The following CDKL4 variants were observed in gnomAD, a reference collection of about 807,000 sequenced individuals.
CDKL4 encodes cyclin-dependent kinase-like 4.
A neutral mutation model predicts 42.0 loss-of-function variants in CDKL4; 44 were observed. The ratio of observed to expected loss-of-function variants is 1.05; its 90% CI spans 0.82 to 1.35. CDKL4 has a LOEUF of 1.35. Among genes scored for constraint, CDKL4 ranks in the 40% most tolerant of loss-of-function variants. CDKL4 has a pLI of 0.00. For missense variants in CDKL4, 393 were observed against 369.9 expected (o/e 1.06, Z -0.51); for synonymous variants, 120 against 121.6 (o/e 0.99, Z 0.09).
At chr2:39,240,845 CA>C (rs923441292) in intron 1 of CDKL4, among the ~76,000 whole-genome samples, 1 of 152,070 alleles carries the variant, frequency 6.6e-6, no homozygotes, top group African/African-American at 2.4e-5. Flanking sequence ...GTATTCTTGG[CA>C]AAAATGCAAA....
At chr2:39,177,049 G>A (rs999378444) in intron 9 of CDKL4, among the ~76,000 whole-genome samples, 2 of 152,114 alleles carry the variant, frequency 1.3e-5, no homozygotes, top group Non-Finnish European at 2.9e-5. Flanking sequence ...ATAGAATGCA[G>A]TTTACAGAGG....
chr2:39,197,595 A>T (rs763454438), intron 5 of CDKL4, among the ~76,000 whole-genome samples: 2 of 152,226 alleles, frequency 1.3e-5, no homozygotes, highest in Non-Finnish European at 2.9e-5. Context: ...AGGCAAAAGC[A>T]TCAGGTACTA....
chr2:39,228,562 G>A (rs543587901), intron 2 of CDKL4, among the ~76,000 whole-genome samples: 129 of 152,270 alleles, frequency 8.5e-4, no homozygotes, highest in African/African-American at 3.1e-3. Flanking sequence ...CACATAATGT[G>A]TAGCCCACAA....
At position 39,198,096 on chromosome 2, in the gene CDKL4, C is replaced by T. The variant is rs118045183; in HGVS notation, c.454+6431G>A. Among the ~76,000 whole-genome samples the T allele has an allele frequency of 1.5e-3, 226 of 152,054 alleles. 3 individuals carry two copies. In the East Asian group the frequency reaches 0.025, roughly 17 times the overall value. On this transcript the variant is annotated intron_variant, in intron 5 of 9. Coordinates refer to ENST00000451199, the Ensembl canonical transcript of CDKL4. ...GTATCTGCTGTCTTTATGAGACCCA[C>T]CTGACACATAAGGACTCACATAAGC...
At chr2:39,203,641 T>G (rs1173648280) in intron 5 of CDKL4, among the ~76,000 whole-genome samples, 2 of 152,222 alleles carry the variant, frequency 1.3e-5, no homozygotes, top group Admixed American at 1.3e-4. Flanking sequence ...CTTAAACATT[T>G]TCCGATGCCA....
chr2:39,222,909 T>A (rs1040277443), intron 3 of CDKL4, among the ~76,000 whole-genome samples: 1 of 152,176 alleles, frequency 6.6e-6, no homozygotes, highest in Admixed American at 6.5e-5. Context: ...ACATCCTATT[T>A]AGTGCAGGAT....
chr2:39,182,787 G>A (rs1366280530), intron 8 of CDKL4, among the ~76,000 whole-genome samples: 1 of 152,150 alleles, frequency 6.6e-6, no homozygotes, highest in Non-Finnish European at 1.5e-5. Flanking sequence ...TAATAAATAA[G>A]AAAGATTGTG....
chr2:39,204,605 C>T, exon 5 of CDKL4: 1 of 1,517,504 alleles, frequency 6.6e-7, no homozygotes. Flanking sequence ...GGTTTTATAT[C>T]TCTGTGAATA....
At chr2:39,239,610 T>C (rs1679551175) in intron 1 of CDKL4, among the ~76,000 whole-genome samples, 1 of 152,240 alleles carries the variant, frequency 6.6e-6, no homozygotes, top group Non-Finnish European at 1.5e-5. Context: ...AAGGATGCTG[T>C]TAGCCATTAG....
At chr2:39,200,096 C>T (rs553535658) in intron 5 of CDKL4, among the ~76,000 whole-genome samples, 1 of 152,162 alleles carries the variant, frequency 6.6e-6, no homozygotes, top group African/African-American at 2.4e-5. Flanking sequence ...ACCCTAAAGA[C>T]TCCTTCAAAA....
chr2:39,230,872 A>G (rs1013482147), intron 1 of CDKL4, among the ~76,000 whole-genome samples: 1 of 152,182 alleles, frequency 6.6e-6, no homozygotes, highest in African/African-American at 2.4e-5. Context: ...AAAGAACACA[A>G]TTTTAATCAC....
intron 6 of CDKL4, among the ~76,000 whole-genome samples, chr2:39,187,973 C>G (rs1379443190): frequency 6.6e-6 from 1 of 151,870 alleles, no homozygotes; most frequent in African/African-American, 2.4e-5. Context: ...GAGGCTGAGG[C>G]AGGAGAATCG....
Position 39,212,795 on chromosome 2 carries a change from G to A in CDKL4, c.363+605C>T, listed in dbSNP as rs554833631. On this transcript the variant is annotated intron_variant, in intron 4 of 9. Coordinates refer to ENST00000451199, the Ensembl canonical transcript of CDKL4. ...CAGCTCCAGCCTCCCAGGTAGCTAG[G>A]ATTACAGGTGCGCACCACCATGGCT... 4.6e-5 allele frequency among the ~76,000 whole-genome samples: 7 copies of A among 152,172 alleles called. No individual in the cohort carries two copies. The South Asian group carries it at 6.2e-4, about 14-fold the overall frequency.
At chr2:39,217,078 C>T (rs1448037796) in intron 3 of CDKL4, among the ~76,000 whole-genome samples, 1 of 152,158 alleles carries the variant, frequency 6.6e-6, no homozygotes, top group Non-Finnish European at 1.5e-5. Context: ...GAGTACACAT[C>T]GACGCGGCGC....
chr2:39,216,894 G>C (rs180801964), intron 3 of CDKL4, among the ~76,000 whole-genome samples: 85 of 152,278 alleles, frequency 5.6e-4, no homozygotes, highest in African/African-American at 2.0e-3. Flanking sequence ...ACATGAAAGA[G>C]GATGTTTAAA....
intron 3 of CDKL4, among the ~76,000 whole-genome samples, chr2:39,214,791 G>A (rs79097559): frequency 0.026 from 3,892 of 152,224 alleles, 59 homozygotes; most frequent in African/African-American, 0.031. Flanking sequence ...AGGCGGCCAG[G>A]GAGAATAAGG....
intron 2 of CDKL4, among the ~76,000 whole-genome samples, chr2:39,226,553 A>C (rs900865046): frequency 6.7e-6 from 1 of 149,476 alleles, no homozygotes; most frequent in Non-Finnish European, 1.5e-5. Context: ...TGTGTGTTAA[A>C]TTCTATTCCC....
At chr2:39,190,207 C>T in intron 6 of CDKL4, 98 bp downstream of exon 6, 1 of 856,692 alleles carries the variant, frequency 1.2e-6, no homozygotes, top group Non-Finnish European at 1.7e-6. Context: ...AGCAATAAAA[C>T]TCTTGTTTTT....
intron 1 of CDKL4, among the ~76,000 whole-genome samples, chr2:39,242,599 C>T (rs1679717400): frequency 6.6e-6 from 1 of 151,986 alleles, no homozygotes; most frequent in African/African-American, 2.4e-5. Context: ...AAATGATGTA[C>T]ACAGAAACAG....
Sources: gnomAD v4.1 joint callset for allele counts (sites outside exome capture counted in the v4.1 genomes callset) on GRCh38, gnomAD v4.1.1 for gene constraint, MANE v1.5 for transcripts, NCBI Gene and HGNC (gene_info 2026-07-23, HGNC 2026-07-21) for gene names.